Variants in KLHL32 observed in about 807,000 individuals in gnomAD.
The protein encoded by KLHL32 is kelch like family member 32, also known as kelch-like protein 32.
KLHL32 carries 35 observed loss-of-function variants against 64.8 expected under a neutral mutation model. That is an observed-to-expected ratio of 0.54 (90% CI 0.41 to 0.72). The LOEUF is 0.72. Ranked by LOEUF, KLHL32 falls within the 30% of genes least tolerant of loss-of-function variation. KLHL32 has a pLI of 0.00. For missense variants in KLHL32, 589 were observed against 768.5 expected (o/e 0.77, Z 2.76); for synonymous variants, 259 against 281.0 (o/e 0.92, Z 0.78).
chr6:96,971,430 T>A (rs928958031), intron 2 of KLHL32, among the ~76,000 whole-genome samples: 1 of 152,190 alleles, frequency 6.6e-6, no homozygotes, highest in Non-Finnish European at 1.5e-5. Flanking sequence ...ATAATGAACA[T>A]CGTTCTCTGC....
At chr6:97,078,636 C>T (rs1349396040) in intron 5 of KLHL32, among the ~76,000 whole-genome samples, 1 of 152,106 alleles carries the variant, frequency 6.6e-6, no homozygotes, top group Non-Finnish European at 1.5e-5. Context: ...AGTGATAGTA[C>T]ATGATGCTTA....
chr6:97,033,322 A>C (rs1783844533), intron 3 of KLHL32, among the ~76,000 whole-genome samples: 1 of 152,164 alleles, frequency 6.6e-6, no homozygotes, highest in South Asian at 2.1e-4. Flanking sequence ...AATGTCGTCC[A>C]AGTTCATCCA....
chr6:96,982,398 T>G (rs1776423404), intron 3 of KLHL32, among the ~76,000 whole-genome samples: 1 of 152,190 alleles, frequency 6.6e-6, no homozygotes, highest in Admixed American at 6.5e-5. Flanking sequence ...TTCTGTTTGC[T>G]TGGTAGATTT....
chr6:97,019,035 A>C (rs1483156729), intron 3 of KLHL32, among the ~76,000 whole-genome samples: 2 of 152,234 alleles, frequency 1.3e-5, no homozygotes, highest in East Asian at 3.8e-4. Context: ...GATCAAGTAC[A>C]TAATTGGACA....
chr6:97,039,646 C>T (rs1215914615), intron 3 of KLHL32, among the ~76,000 whole-genome samples: 1 of 141,766 alleles, frequency 7.1e-6, no homozygotes, highest in African/African-American at 2.8e-5. Context: ...ATGGTGAAAC[C>T]CCATCTCTAC....
At chr6:96,992,232 G>A (rs112819233) in intron 3 of KLHL32, among the ~76,000 whole-genome samples, 4 of 152,330 alleles carry the variant, frequency 2.6e-5, no homozygotes, top group African/African-American at 9.6e-5. Context: ...CATGGCTCCC[G>A]GGACCCAGGG....
chr6:97,027,167 A>G (rs1307471326), intron 3 of KLHL32, among the ~76,000 whole-genome samples: 2 of 151,764 alleles, frequency 1.3e-5, no homozygotes, highest in East Asian at 1.9e-4. Context: ...CTCTCAAAAA[A>G]AAAAAAAAAA....
At chr6:96,995,101 A>G (rs982808660) in intron 3 of KLHL32, among the ~76,000 whole-genome samples, 12 of 152,216 alleles carry the variant, frequency 7.9e-5, no homozygotes, top group African/African-American at 2.9e-4. Context: ...ATAATCACCA[A>G]GCATAGTTCT....
chr6:96,913,857 G>A, the KLHL32 span, among the ~76,000 whole-genome samples: 4 of 152,174 alleles, frequency 2.6e-5, no homozygotes, highest in Non-Finnish European at 5.9e-5. Context: ...AGATGTCCAT[G>A]TGCTAATTCT....
intron 5 of KLHL32, among the ~76,000 whole-genome samples, chr6:97,082,608 C>T (rs959993617): frequency 2.4e-5 from 2 of 84,870 alleles, no homozygotes; most frequent in African/African-American, 7.8e-5. Context: ...AGCAAGATTC[C>T]ATCTCAAAAA....
At chr6:97,006,457 T>C (rs1477433070) in intron 3 of KLHL32, among the ~76,000 whole-genome samples, 1 of 152,212 alleles carries the variant, frequency 6.6e-6, no homozygotes, top group Non-Finnish European at 1.5e-5. Flanking sequence ...CTTGCTTCTT[T>C]ATCCAAGTTG....
chr6:96,960,940 A>G (rs896666227), intron 1 of KLHL32, among the ~76,000 whole-genome samples: 7 of 152,198 alleles, frequency 4.6e-5, no homozygotes, highest in African/African-American at 1.4e-4. Flanking sequence ...GTGGAGACCA[A>G]TGTTCTCATT....
chr6:97,079,682 A>G (rs1385454436), intron 5 of KLHL32, among the ~76,000 whole-genome samples: 2 of 152,170 alleles, frequency 1.3e-5, no homozygotes, highest in Non-Finnish European at 1.5e-5. Flanking sequence ...CTCTTATTTA[A>G]CTTGTCATTC....
chr6:97,133,200 G>C (rs1472818657), intron 10 of KLHL32, among the ~76,000 whole-genome samples: 1 of 152,186 alleles, frequency 6.6e-6, no homozygotes, highest in Non-Finnish European at 1.5e-5. Context: ...AGCAGTAGTG[G>C]TTTATGACTG....
At chr6:97,085,020 C>T in intron 5 of KLHL32, 106 bp from the exon 6 acceptor site, 1 of 866,288 alleles carries the variant, frequency 1.2e-6, no homozygotes, top group South Asian at 1.6e-5. Context: ...CCATTTCTCC[C>T]ACCACTGTGA....
At chr6:97,136,690 C>G (rs916371037) in intron 10 of KLHL32, among the ~76,000 whole-genome samples, 1 of 152,176 alleles carries the variant, frequency 6.6e-6, no homozygotes, top group African/African-American at 2.4e-5. Context: ...CTGGAGGATA[C>G]AGTGCCAGCT....
intron 3 of KLHL32, among the ~76,000 whole-genome samples, chr6:97,018,727 G>A (rs9487742): frequency 0.02 from 3,059 of 152,168 alleles, 106 homozygotes; most frequent in African/African-American, 0.07. Flanking sequence ...TAGAATTCAA[G>A]ATGAACAGAA....
chr6:96,922,505 T>A (rs1017780217), upstream of KLHL32, among the ~76,000 whole-genome samples: 5 of 150,266 alleles, frequency 3.3e-5, no homozygotes, highest in Non-Finnish European at 7.4e-5. Flanking sequence ...ACTCACACTT[T>A]AAAAAAAAAA....
At chr6:97,015,862 G>A (rs1418882388) in intron 3 of KLHL32, among the ~76,000 whole-genome samples, 1 of 152,090 alleles carries the variant, frequency 6.6e-6, no homozygotes, top group Non-Finnish European at 1.5e-5. Context: ...TGCAGCCTTG[G>A]GACTTGGTCC....
Sources: gnomAD v4.1 joint callset for allele counts (sites outside exome capture counted in the v4.1 genomes callset) on GRCh38, gnomAD v4.1.1 for gene constraint, MANE v1.5 for transcripts, NCBI Gene and HGNC (gene_info 2026-07-23, HGNC 2026-07-21) for gene names.